BAHCC1: variants seen among roughly 807,000 people sequenced by gnomAD.
The protein encoded by BAHCC1 is BAH domain and coiled-coil containing 1.
In BAHCC1, 43 loss-of-function variants were observed where a neutral mutation model predicts 88.2. The ratio of observed to expected loss-of-function variants is 0.49; its 90% CI spans 0.38 to 0.63. The LOEUF is 0.63. Among genes scored for constraint, BAHCC1 ranks in the 20% least tolerant of loss-of-function variants. The pLI, the probability that BAHCC1 is intolerant of heterozygous loss-of-function variation, is 0.00. For missense variants in BAHCC1, 3,023 were observed against 1,654.8 expected, an observed-to-expected ratio of 1.83 and a Z score of -14.34; for synonymous variants, 1,510 against 745.5, an observed-to-expected ratio of 2.03 and a Z score of -16.71.
At chr17:81,445,204 G>T (rs938129290) in intron 9 of BAHCC1, 26 bp downstream of exon 9, 1 of 748,352 alleles carries the variant, frequency 1.3e-6, no homozygotes. Flanking sequence ...ACGCTCACCT[G>T]GGCCGGGCAC....
At chr17:81,417,486 T>C (rs2064047759) in intron 2 of BAHCC1, among the ~76,000 whole-genome samples, 2 of 151,536 alleles carry the variant, frequency 1.3e-5, no homozygotes, top group Non-Finnish European at 2.9e-5. Flanking sequence ...CCATGGCTGC[T>C]CTGAGTCACT....
intron 3 of BAHCC1, among the ~76,000 whole-genome samples, chr17:81,430,194 C>A (rs995694572): frequency 3.9e-5 from 6 of 152,056 alleles, no homozygotes; most frequent in Non-Finnish European, 7.4e-5. Flanking sequence ...CTATTGTCAG[C>A]AGGCCTGGTC....
chr17:81,445,578 C>A lies in BAHCC1; in HGVS notation c.3060C>A (p.Val1020=). ...PRPSAPCTLN[V]CPASSPGPGS... ...CCAGCGCCCCGTGCACTTTAAATGT[C>A]TGCCCTGCCAGCAGCCCCGGGCCTG... The change falls in exon 10 of 28, where the codon GTC becomes GTA. Residue 1020 remains valine (V), a synonymous_variant. Coordinates refer to ENST00000675386, the MANE Select transcript of BAHCC1 (RefSeq NM_001377448.1). 3 of 724,772 alleles carry A rather than the reference C, an allele frequency of 4.1e-6. No individual in the cohort carries two copies. The highest frequency in any genetic ancestry group is 2.9e-5 in the South Asian group (2 of 67,956). The allele number at this position is 724,772 out of a possible 1,614,324, so 44.9% of individuals were successfully genotyped here. A position where few individuals can be genotyped will look rare whatever the true frequency, so the allele number is the denominator to read the frequency against.
intron 11 of BAHCC1, 39 bp downstream of exon 11, chr17:81,447,887 C>G: frequency 1.4e-6 from 1 of 713,676 alleles, no homozygotes; most frequent in East Asian, 2.7e-5. Context: ...AGAGTCCCAG[C>G]AGTGGGACCC....
intron 2 of BAHCC1, among the ~76,000 whole-genome samples, chr17:81,404,063 G>A (rs149151572): frequency 1.1e-4 from 16 of 152,286 alleles, no homozygotes; most frequent in African/African-American, 3.1e-4. Context: ...CCCCCCAAAC[G>A]TTCCCCGGTT....
rs376172385 is a variant in BAHCC1 at position 81,456,598 on chromosome 17, C to T, written c.4858+13C>T. 336 of 690,746 alleles carry T rather than the reference C, an allele frequency of 4.9e-4. No homozygotes were observed. The highest frequency in any genetic ancestry group is 3.7e-3 in the African/African-American group (205 of 55,768). The allele number at this position is 690,746 out of a possible 1,614,324, so 42.8% of individuals were successfully genotyped here. On this transcript the variant is annotated intron_variant, in intron 16 of 27. Coordinates refer to ENST00000675386, the MANE Select transcript of BAHCC1 (RefSeq NM_001377448.1). ...TCCCAGGAGGCAGGCAAGTTGCTGGCGTGAGTGGCCACTGCCAGGAGCCCC... is the reference window on the plus strand; with the variant it reads ...TCCCAGGAGGCAGGCAAGTTGCTGGTGTGAGTGGCCACTGCCAGGAGCCCC...
In BAHCC1 at chr17:81,445,480, A is replaced by G. The variant is rs1772744339; in HGVS notation, c.2962A>G (p.Thr988Ala). 2 of 749,254 alleles carry G rather than the reference A, an allele frequency of 2.7e-6. No homozygotes were observed. Among genetic ancestry groups the G allele is most frequent in the Non-Finnish European group, 4.9e-6 (2 of 404,976 alleles). The allele number at this position is 749,254 out of a possible 1,614,324, so 46.4% of individuals were successfully genotyped here. A position where few individuals can be genotyped will look rare whatever the true frequency, so the allele number is the denominator to read the frequency against. ...PGAPSPAAGP[T>A]KLPPCCHPPD... ...CGCCCCCTCACCCGCTGCAGGCCCC[A>G]CCAAGCTGCCACCTTGCTGCCATCC... Residue 988 changes from threonine to alanine, a missense_variant, in exon 10 of 28, where the codon ACC becomes GCC. Thr to Ala is a moderately conservative substitution (Grantham distance 58). Coordinates refer to ENST00000675386, the MANE Select transcript of BAHCC1 (RefSeq NM_001377448.1).
intron 2 of BAHCC1, among the ~76,000 whole-genome samples, chr17:81,414,296 G>T (rs913922135): frequency 6.6e-6 from 1 of 152,274 alleles, no homozygotes; most frequent in Non-Finnish European, 1.5e-5. Context: ...GGCAGGTCTT[G>T]TCTGGGCAGC....
In BAHCC1 at chr17:81,442,180, C is replaced by T. The variant is rs994030924; in HGVS notation, c.831C>T (p.Pro277=). Reference sequence around the variant, plus strand: ...CCCGAGGGGCCTGCGAGGGCCGCCCCAAGCACCTCACCTCCTGCCTCCTCA... The same window carrying T: ...CCCGAGGGGCCTGCGAGGGCCGCCCTAAGCACCTCACCTCCTGCCTCCTCA... ...PAPRGACEGR[P]KHLTSCLLNT... Residue 277 remains proline, a synonymous_variant, in exon 5 of 28, where the codon CCC becomes CCT. Transcript: ENST00000675386. 10 of 656,720 alleles carry T rather than the reference C, an allele frequency of 1.5e-5. No homozygotes were observed. The highest frequency in any genetic ancestry group is 8.2e-5 in the Admixed American group (3 of 36,646). The allele number at this position is 656,720 out of a possible 1,614,324, so 40.7% of individuals were successfully genotyped here. A position where few individuals can be genotyped will look rare whatever the true frequency, so the allele number is the denominator to read the frequency against.
At position 81,419,596 on chromosome 17, in the gene BAHCC1, G is replaced by C. The variant is rs1051639714; in HGVS notation, c.179-7204G>C. 2.0e-5 allele frequency among the ~76,000 whole-genome samples: 3 copies of C among 151,974 alleles called. No individual in the cohort carries two copies. In the South Asian group the frequency reaches 6.2e-4, roughly 32 times the overall value. On this transcript the variant is annotated intron_variant, in intron 2 of 27. Transcript: ENST00000675386. ...AAGGTGTGGAGCGGAAGCCAGTGCC[G>C]AGGGAAGAGGGGAGCCTGAGTGGGT...
At position 81,445,058 on chromosome 17, in the gene BAHCC1, G is replaced by C. The variant is rs782355877; in HGVS notation, c.2715G>C (p.Gly905=). The part of the protein sequence containing the change: ...DQASLWPPMY[G]GRGPASHMQH... The stretch of plus-strand genomic sequence containing the variant: ...CGTCACTGTGGCCCCCCATGTACGG[G>C]GGCCGGGGCCCCGCCTCTCACATGC... Residue 905 remains glycine, a synonymous_variant, in exon 9 of 28, where the codon GGG becomes GGC. Coordinates refer to ENST00000675386, the MANE Select transcript of BAHCC1 (RefSeq NM_001377448.1). The C allele has an allele frequency of 5.2e-6, 4 of 766,224 alleles. No homozygotes were observed. In the East Asian group the frequency reaches 9.9e-5, roughly 19 times the overall value. The allele number at this position is 766,224 out of a possible 1,614,324, so 47.5% of individuals were successfully genotyped here. A position where few individuals can be genotyped will look rare whatever the true frequency, so the allele number is the denominator to read the frequency against.
At chr17:81,436,518 A>G (rs2064338744) in intron 3 of BAHCC1, among the ~76,000 whole-genome samples, 1 of 152,202 alleles carries the variant, frequency 6.6e-6, no homozygotes, top group Non-Finnish European at 1.5e-5. Context: ...AACAGCAGCC[A>G]ATTAAAGGGG....
At chr17:81,420,497 G>A (rs1568004589) in intron 2 of BAHCC1, among the ~76,000 whole-genome samples, 1 of 152,256 alleles carries the variant, frequency 6.6e-6, no homozygotes. Context: ...CTTGGGCTCC[G>A]GGTCAGACTG....
chr17:81,430,955 G>A (rs1475830695), intron 3 of BAHCC1, among the ~76,000 whole-genome samples: 21 of 151,574 alleles, frequency 1.4e-4, no homozygotes, highest in East Asian at 9.7e-4. Flanking sequence ...AGCTGGCTCC[G>A]CTGGGATGCG....
At chr17:81,417,561 C>CCA (rs782708031) in intron 2 of BAHCC1, among the ~76,000 whole-genome samples, 11 of 45,442 alleles carry the variant, frequency 2.4e-4, no homozygotes, top group East Asian at 2.2e-3. Flanking sequence ...GGCCACCCCC[C>CCA]CCCCGCCCTA....
At position 81,460,987 on chromosome 17, in the gene BAHCC1, G is replaced by A. The variant is rs376940603; in HGVS notation, c.6324G>A (p.Ala2108=). The change falls in exon 26 of 28, where the codon GCG becomes GCA. Residue 2108 remains alanine (A), a synonymous_variant. Transcript: ENST00000675386. ...WSAVAQTKRK[A]VAAASKGPGV... ...CGGTGGCGCAGACCAAGCGGAAGGC[G>A]GTGGCAGCGGCCAGCAAGGGGCCGG... The A allele has an allele frequency of 2.7e-4, 210 of 772,852 alleles. 1 individual carries two copies. Among genetic ancestry groups the A allele is most frequent in the East Asian group, 4.9e-4 (20 of 41,202 alleles). The allele number at this position is 772,852 out of a possible 1,614,324, so 47.9% of individuals were successfully genotyped here.
At chr17:81,433,546 G>A (rs991391844) in intron 3 of BAHCC1, among the ~76,000 whole-genome samples, 16 of 142,326 alleles carry the variant, frequency 1.1e-4, no homozygotes, top group Admixed American at 2.8e-4. Context: ...TCAGTCCACC[G>A]AGGCCCCTCC....
intron 2 of BAHCC1, among the ~76,000 whole-genome samples, chr17:81,425,506 G>A (rs2064175951): frequency 8.7e-6 from 1 of 115,362 alleles, no homozygotes; most frequent in Non-Finnish European, 1.8e-5. Flanking sequence ...GATGTGGTTG[G>A]GGGTGATAGT....
intron 15 of BAHCC1, 40 bp downstream of exon 15, chr17:81,455,430 G>C: frequency 1.4e-6 from 1 of 705,866 alleles, no homozygotes; most frequent in Non-Finnish European, 2.6e-6. Context: ...GGGCCCTTCA[G>C]GTCCCTTCAG....
Sources: gnomAD v4.1 joint callset for allele counts (sites outside exome capture counted in the v4.1 genomes callset) on GRCh38, gnomAD v4.1.1 for gene constraint, MANE v1.5 for transcripts, NCBI Gene and HGNC (gene_info 2026-07-23, HGNC 2026-07-21) for gene names.